ARHGAP24: variants seen among roughly 807,000 people sequenced by gnomAD.
The protein encoded by ARHGAP24 is Rho GTPase activating protein 24, also known as rho GTPase-activating protein 24.
A neutral mutation model predicts 76.4 loss-of-function variants in ARHGAP24; 50 were observed. The observed-to-expected ratio is 0.65, with a 90% CI of 0.52 to 0.83. The LOEUF is 0.83. Among genes scored for constraint, ARHGAP24 ranks in the 40% least tolerant of loss-of-function variants. The pLI is 0.00. For synonymous variants in ARHGAP24, 345 were observed against 323.3 expected (o/e 1.07, Z -0.72); for missense variants, 930 against 914.2 (o/e 1.02, Z -0.22).
At chr4:85,743,174 A>T (rs1031779529) in intron 3 of ARHGAP24, among the ~76,000 whole-genome samples, 2 of 149,104 alleles carry the variant, frequency 1.3e-5, no homozygotes, top group Non-Finnish European at 3.0e-5. Flanking sequence ...TAATTCAGCT[A>T]AAAAAAAAAT....
At chr4:85,583,581 A>C (rs1230740036) in intron 2 of ARHGAP24, among the ~76,000 whole-genome samples, 35 of 152,030 alleles carry the variant, frequency 2.3e-4, no homozygotes, top group Admixed American at 2.3e-3. Context: ...CAAAAGACAA[A>C]ATTGACAAAT....
At chr4:85,607,627 A>G (rs1480690070) in intron 2 of ARHGAP24, among the ~76,000 whole-genome samples, 1 of 151,582 alleles carries the variant, frequency 6.6e-6, no homozygotes, top group Non-Finnish European at 1.5e-5. Context: ...ATGAATTTTA[A>G]ATCATAAAGA....
At chr4:85,949,250 A>G (rs1192098020) in intron 5 of ARHGAP24, among the ~76,000 whole-genome samples, 1 of 152,130 alleles carries the variant, frequency 6.6e-6, no homozygotes, top group African/African-American at 2.4e-5. Context: ...CCCAAAACAT[A>G]TTTTAGGTTT....
At chr4:85,484,993 A>T (rs970545382) in intron 1 of ARHGAP24, among the ~76,000 whole-genome samples, 1 of 151,968 alleles carries the variant, frequency 6.6e-6, no homozygotes, top group African/African-American at 2.4e-5. Context: ...AAAACACTGC[A>T]TCCAGATTTG....
chr4:85,935,195 C>T (rs999945877), intron 4 of ARHGAP24, among the ~76,000 whole-genome samples: 7 of 152,164 alleles, frequency 4.6e-5, no homozygotes, highest in African/African-American at 1.7e-4. Context: ...TTTTAAACTG[C>T]GTATAAGTGA....
At chr4:85,730,337 G>A (rs549562567) in intron 3 of ARHGAP24, among the ~76,000 whole-genome samples, 30 of 152,302 alleles carry the variant, frequency 2.0e-4, no homozygotes, top group African/African-American at 6.3e-4. Flanking sequence ...TGAGATTGAA[G>A]CAACTCTGGC....
intron 2 of ARHGAP24, among the ~76,000 whole-genome samples, chr4:85,683,175 A>G (rs1271177948): frequency 3.9e-5 from 4 of 101,876 alleles, no homozygotes; most frequent in Non-Finnish European, 9.5e-5. Flanking sequence ...AATATTGATA[A>G]TAACAAAAAC....
chr4:85,759,972 A>T (rs1295180756), intron 3 of ARHGAP24, among the ~76,000 whole-genome samples: 3 of 152,202 alleles, frequency 2.0e-5, no homozygotes, highest in Non-Finnish European at 4.4e-5. Flanking sequence ...GTGTCTCATT[A>T]ACTCACAGTT....
intron 3 of ARHGAP24, among the ~76,000 whole-genome samples, chr4:85,815,729 AC>A (rs1216371913): frequency 5.3e-5 from 8 of 152,164 alleles, no homozygotes; most frequent in African/African-American, 1.9e-4. Context: ...TCTGCCTGTT[AC>A]CCAGTTCCAA....
At chr4:85,918,651 T>A (rs1222832387) in intron 3 of ARHGAP24, among the ~76,000 whole-genome samples, 1 of 152,128 alleles carries the variant, frequency 6.6e-6, no homozygotes, top group African/African-American at 2.4e-5. Context: ...AACTTTTAAT[T>A]TTTGTAAAAG....
At chr4:85,889,922 T>G (rs1271663309) in intron 3 of ARHGAP24, among the ~76,000 whole-genome samples, 1 of 152,160 alleles carries the variant, frequency 6.6e-6, no homozygotes, top group African/African-American at 2.4e-5. Flanking sequence ...TTGCCATCTC[T>G]TTCTTTTTTT....
In ARHGAP24 at chr4:85,624,729, T is replaced by G. The variant is rs558943321; in HGVS notation, c.180+54008T>G. ...GGACTTTTTTTGGTTGGTAAGCTAT[T>G]GATTATTGCCACAATTTCAGAGCCT... On this transcript the variant is annotated intron_variant, in intron 2 of 9. Coordinates refer to ENST00000395184, the MANE Select transcript of ARHGAP24 (RefSeq NM_001025616.3). Among the ~76,000 whole-genome samples the G allele has an allele frequency of 6.6e-5, 10 of 152,300 alleles. No homozygotes were observed. The East Asian group carries it at 1.4e-3, about 21-fold the overall frequency.
chr4:85,896,595 C>G (rs1482002980), intron 3 of ARHGAP24, among the ~76,000 whole-genome samples: 1 of 152,156 alleles, frequency 6.6e-6, no homozygotes, highest in Non-Finnish European at 1.5e-5. Flanking sequence ...TATTTAATTG[C>G]TCATTTATTT....
At chr4:85,808,416 T>G (rs558378080) in intron 3 of ARHGAP24, among the ~76,000 whole-genome samples, 1 of 152,344 alleles carries the variant, frequency 6.6e-6, no homozygotes, top group South Asian at 2.1e-4. Context: ...CTTCATTTAT[T>G]TACATCTTAT....
intron 3 of ARHGAP24, among the ~76,000 whole-genome samples, chr4:85,782,036 CA>C (rs11353046): frequency 0.62 from 65,672 of 105,962 alleles, 17,667 homozygotes; most frequent in East Asian, 0.84. Flanking sequence ...GATTCTATCT[CA>C]AAAAAAAAAA....
chr4:85,527,367 T>C (rs555065312), intron 1 of ARHGAP24, among the ~76,000 whole-genome samples: 5 of 152,250 alleles, frequency 3.3e-5, no homozygotes, highest in South Asian at 2.1e-4. Flanking sequence ...GATTAGGGTA[T>C]ATGATGATAA....
At chr4:85,974,803 A>T (rs1286616707) in intron 6 of ARHGAP24, 85 bp from the exon 7 acceptor site, 49 of 1,301,364 alleles carry the variant, frequency 3.8e-5, no homozygotes, top group South Asian at 1.5e-4. Flanking sequence ...CTAATTTTTT[A>T]AAAAATTATA....
chr4:85,801,747 G>A (rs908695683), intron 3 of ARHGAP24, among the ~76,000 whole-genome samples: 10 of 152,252 alleles, frequency 6.6e-5, no homozygotes, highest in African/African-American at 2.4e-4. Context: ...CCCTTGGGAA[G>A]TGAGCCGGCC....
chr4:85,892,080 T>C, intron 3 of ARHGAP24, among the ~76,000 whole-genome samples: 1 of 18,584 alleles, frequency 5.4e-5, no homozygotes, highest in Non-Finnish European at 1.0e-4. Flanking sequence ...CTTCCTGGTT[T>C]AGTCTTGGGA....
Sources: gnomAD v4.1 joint callset for allele counts (sites outside exome capture counted in the v4.1 genomes callset) on GRCh38, gnomAD v4.1.1 for gene constraint, MANE v1.5 for transcripts, NCBI Gene and HGNC (gene_info 2026-07-23, HGNC 2026-07-21) for gene names.